Variants in DISP1 observed in about 807,000 individuals in gnomAD.
DISP1 encodes protein dispatched homolog 1.
In DISP1, 30 loss-of-function variants were observed where a neutral mutation model predicts 37.3. That is an observed-to-expected ratio of 0.80 (90% confidence interval 0.60 to 1.09). DISP1 has a LOEUF of 1.09. Among genes scored for constraint, DISP1 ranks in the 50% least tolerant of loss-of-function variants. DISP1 has a pLI of 0.00. For synonymous variants in DISP1, 634 were observed against 690.2 expected, an observed-to-expected ratio of 0.92 and a Z score of 1.28; for missense variants, 1,598 against 1,879.5, an observed-to-expected ratio of 0.85 and a Z score of 2.77.
At chr1:222,975,080 T>G (rs577402786) in intron 3 of DISP1, among the ~76,000 whole-genome samples, 4 of 152,272 alleles carry the variant, frequency 2.6e-5, no homozygotes, top group African/African-American at 7.2e-5. Flanking sequence ...TATGCTTTCT[T>G]CATGGTGCAA....
chr1:222,977,326 G>A lies in DISP1; in HGVS notation c.510-5754G>A, dbSNP rs1386959901. Among the ~76,000 whole-genome samples, 7 of 140,494 alleles carry A rather than the reference G, an allele frequency of 5.0e-5. No homozygotes were observed. The East Asian group carries it at 1.1e-3, about 21-fold the overall frequency. The allele number at this position is 140,494 out of a possible 152,430, so 92.2% of individuals were successfully genotyped here. ...TGGGATTACAGGCATGAGCCACCACGCCCGGTCAGCATATTCTTTTTTTTT... is the reference window on the plus strand; with the variant it reads ...TGGGATTACAGGCATGAGCCACCACACCCGGTCAGCATATTCTTTTTTTTT... On this transcript the variant is annotated intron_variant, in intron 3 of 8. Transcript: ENST00000675850.
chr1:222,950,416 C>A (rs1450843343), intron 3 of DISP1, among the ~76,000 whole-genome samples: 1 of 152,030 alleles, frequency 6.6e-6, no homozygotes, highest in Non-Finnish European at 1.5e-5. Flanking sequence ...CTGGCTAACA[C>A]AGTGAAACCC....
intron 2 of DISP1, 68 bp from the exon 3 acceptor site, chr1:222,942,739 A>G: frequency 1.3e-6 from 2 of 1,573,182 alleles, no homozygotes; most frequent in East Asian, 2.2e-5. Flanking sequence ...TTTAAATATC[A>G]TACTTGTCTT....
At chr1:222,915,135 C>CATTGCAAATACAGTCAGAG (rs1672425506) in intron 1 of DISP1, among the ~76,000 whole-genome samples, 1 of 152,210 alleles carries the variant, frequency 6.6e-6, no homozygotes, top group Non-Finnish European at 1.5e-5. Context: ...CAGGAACCAT[C>CATTGCAAATACAGTCAGAG]ATTGCAAATA....
chr1:222,858,486 T>C (rs139465987), intron 1 of DISP1, among the ~76,000 whole-genome samples: 2,009 of 152,248 alleles, frequency 0.013, 44 homozygotes, highest in African/African-American at 0.043. Context: ...AAATGGGATC[T>C]AGTTAAACTA....
At chr1:222,950,402 C>T (rs549339632) in intron 3 of DISP1, among the ~76,000 whole-genome samples, 127 of 152,192 alleles carry the variant, frequency 8.3e-4, no homozygotes, top group African/African-American at 2.8e-3. Context: ...AGATCGAGAC[C>T]GTCCTGGCTA....
At chr1:222,889,257 G>C (rs1007859923) in intron 1 of DISP1, among the ~76,000 whole-genome samples, 3 of 152,112 alleles carry the variant, frequency 2.0e-5, no homozygotes, top group African/African-American at 7.2e-5. Context: ...AAGTAGGCTA[G>C]TATTAAATAA....
chr1:222,895,741 T>C (rs1490757409), intron 1 of DISP1, among the ~76,000 whole-genome samples: 1 of 152,184 alleles, frequency 6.6e-6, no homozygotes, highest in Non-Finnish European at 1.5e-5. Context: ...ATGGGTTAAC[T>C]GGATCTCTTG....
chr1:222,980,409 AAG>A (rs1677744591), intron 3 of DISP1, among the ~76,000 whole-genome samples: 1 of 61,214 alleles, frequency 1.6e-5, no homozygotes, highest in South Asian at 1.1e-3. Context: ...TGATGTAACA[AAG>A]TGTGTGTGTG....
chr1:222,902,629 A>T (rs1363104186), intron 1 of DISP1, among the ~76,000 whole-genome samples: 1 of 152,228 alleles, frequency 6.6e-6, no homozygotes, highest in Non-Finnish European at 1.5e-5. Context: ...CCCCATAAAA[A>T]AGTGGGCAAA....
intron 1 of DISP1, among the ~76,000 whole-genome samples, chr1:222,870,792 T>G (rs1479386062): frequency 6.6e-6 from 1 of 152,230 alleles, no homozygotes; most frequent in East Asian, 1.9e-4. Flanking sequence ...CTCTTTAGTT[T>G]AATTAGATGC....
intron 1 of DISP1, among the ~76,000 whole-genome samples, chr1:222,918,019 G>C (rs1412470182): frequency 6.6e-6 from 1 of 152,188 alleles, no homozygotes; most frequent in Non-Finnish European, 1.5e-5. Flanking sequence ...AAAAATGCCA[G>C]GACTTTGCCC....
At chr1:222,887,734 A>C (rs1355244825) in intron 1 of DISP1, among the ~76,000 whole-genome samples, 1 of 148,062 alleles carries the variant, frequency 6.8e-6, no homozygotes, top group African/African-American at 2.5e-5. Flanking sequence ...TCCTGACCTC[A>C]TGATCCACCC....
intron 2 of DISP1, among the ~76,000 whole-genome samples, chr1:222,930,681 T>C (rs1673336566): frequency 6.6e-6 from 1 of 152,092 alleles, no homozygotes; most frequent in South Asian, 2.1e-4. Context: ...CAATAGTAAA[T>C]GTAATTTCAG....
chr1:222,850,169 C>A (rs1215353543), intron 1 of DISP1, among the ~76,000 whole-genome samples: 3 of 151,986 alleles, frequency 2.0e-5, no homozygotes, highest in Non-Finnish European at 4.4e-5. Context: ...CATGAGAAAC[C>A]CTTAATAAAT....
intron 1 of DISP1, among the ~76,000 whole-genome samples, chr1:222,899,309 A>G (rs140161919): frequency 9.2e-5 from 14 of 152,310 alleles, no homozygotes; most frequent in African/African-American, 3.4e-4. Context: ...CATTTTAAAA[A>G]GTTATTTGTT....
At chr1:222,816,225 T>C (rs1661218890) in intron 1 of DISP1, among the ~76,000 whole-genome samples, 1 of 152,074 alleles carries the variant, frequency 6.6e-6, no homozygotes, top group Non-Finnish European at 1.5e-5. Flanking sequence ...TCATTATTAT[T>C]ACCAAAGGTA....
chr1:222,987,046 G>GATATATAT (rs67964109), intron 4 of DISP1, among the ~76,000 whole-genome samples: 1 of 146,068 alleles, frequency 6.8e-6, no homozygotes, highest in Non-Finnish European at 1.5e-5. Context: ...ACAGGATATG[G>GATATATAT]ATATATATAT....
intron 3 of DISP1, among the ~76,000 whole-genome samples, chr1:222,961,721 A>G (rs1372797984): frequency 6.6e-6 from 1 of 152,182 alleles, no homozygotes; most frequent in Non-Finnish European, 1.5e-5. Context: ...AGAAAACCCC[A>G]TCATCGCCAG....
Sources: gnomAD v4.1 joint callset for allele counts (sites outside exome capture counted in the v4.1 genomes callset) on GRCh38, gnomAD v4.1.1 for gene constraint, MANE v1.5 for transcripts, NCBI Gene and HGNC (gene_info 2026-07-23, HGNC 2026-07-21) for gene names.